SYNE2: variants seen among roughly 807,000 people sequenced by gnomAD.
SYNE2 encodes the protein nesprin-2.
Under a neutral mutation model 856.3 loss-of-function variants are expected in SYNE2, and 431 were observed. That is an observed-to-expected ratio of 0.50 (90% CI 0.47 to 0.55). The LOEUF (loss-of-function observed/expected upper bound fraction) is 0.55. Among genes scored for constraint, SYNE2 ranks in the 20% least tolerant of loss-of-function variants. SYNE2 has a pLI of 0.00. For synonymous variants in SYNE2, 2,923 were observed against 2,872.3 expected (o/e 1.02, Z -0.56); for missense variants, 8,129 against 8,023.2 (o/e 1.01, Z -0.50).
chr14:64,118,389 C>T (rs1463155928), intron 66 of SYNE2, among the ~76,000 whole-genome samples: 7 of 152,068 alleles, frequency 4.6e-5, no homozygotes, highest in South Asian at 2.1e-4. Flanking sequence ...GTGAATTGGC[C>T]GGTTGTATCA....
At position 64,126,585 on chromosome 14, in the gene SYNE2, C is replaced by A; in HGVS notation, c.13708-13C>A. Reference sequence around the variant, plus strand: ...CAGAGCTCATTCATTGTCTTCCTTCCTCTCCACTCCAGACGCTGGCTCTTG... The same window carrying A: ...CAGAGCTCATTCATTGTCTTCCTTCATCTCCACTCCAGACGCTGGCTCTTG... On this transcript the variant is annotated splice_polypyrimidine_tract_variant and intron_variant, in intron 72 of 115. Coordinates refer to ENST00000555002, the MANE Select transcript of SYNE2 (RefSeq NM_182914.3). 6.2e-7 allele frequency: 1 copy of A among 1,614,222 alleles called. No individual in the cohort carries two copies. The highest frequency in any genetic ancestry group is 8.5e-7 in the Non-Finnish European group (1 of 1,180,040).
At chr14:63,771,696 C>T (rs940396289) in intron 1 of SYNE2, among the ~76,000 whole-genome samples, 3 of 151,704 alleles carry the variant, frequency 2.0e-5, no homozygotes, top group Middle Eastern at 3.2e-3. Flanking sequence ...GTCAGGAGTT[C>T]GAGACCAGCT....
intron 89 of SYNE2, 91 bp downstream of exon 89, chr14:64,163,672 G>A (rs1026119638): frequency 3.4e-6 from 5 of 1,476,002 alleles, no homozygotes; most frequent in East Asian, 2.3e-5. Flanking sequence ...AGTGCTTTAC[G>A]GGCTGCTCCT....
At chr14:63,865,779 A>C (rs1895134825) in intron 1 of SYNE2, among the ~76,000 whole-genome samples, 1 of 150,096 alleles carries the variant, frequency 6.7e-6, no homozygotes, top group Non-Finnish European at 1.5e-5. Context: ...AAAGAACACC[A>C]GGCTGGGCAA....
intron 55 of SYNE2, among the ~76,000 whole-genome samples, chr14:64,079,695 C>T (rs116707664): frequency 4.5e-3 from 680 of 152,232 alleles, no homozygotes; most frequent in Middle Eastern, 0.017. Flanking sequence ...CCCAAGTCAG[C>T]AGATAATTTT....
intron 2 of SYNE2, among the ~76,000 whole-genome samples, chr14:63,936,829 T>C (rs2095839559): frequency 6.6e-6 from 1 of 152,166 alleles, no homozygotes; most frequent in African/African-American, 2.4e-5. Flanking sequence ...TCTGTCGCAG[T>C]AACCCAGGTG....
intron 1 of SYNE2, among the ~76,000 whole-genome samples, chr14:63,823,746 C>T (rs951583891): frequency 2.0e-5 from 3 of 152,008 alleles, no homozygotes; most frequent in Non-Finnish European, 2.9e-5. Flanking sequence ...AGCAATCGTC[C>T]CACCTCAGCC....
intron 10 of SYNE2, among the ~76,000 whole-genome samples, chr14:63,965,509 A>T (rs1296640538): frequency 6.6e-6 from 1 of 152,100 alleles, no homozygotes; most frequent in Admixed American, 6.5e-5. Flanking sequence ...CTTGAAAGAG[A>T]CTTAATAGGA....
chr14:63,963,833 A>C, intron 9 of SYNE2, 66 bp from the exon 10 acceptor site: 2 of 1,075,122 alleles, frequency 1.9e-6, no homozygotes, highest in Non-Finnish European at 2.8e-6. Context: ...TCAAGTTGCT[A>C]ATTTTTTTGT....
At chr14:64,065,360 T>TA (rs1294255881) in intron 50 of SYNE2, 72 bp from the exon 51 acceptor site, 1 of 1,297,692 alleles carries the variant, frequency 7.7e-7, no homozygotes, top group Non-Finnish European at 1.1e-6. Context: ...GTTCAGGATT[T>TA]AAAAGAGTTA....
intron 99 of SYNE2, among the ~76,000 whole-genome samples, chr14:64,200,508 A>T (rs1371236610): frequency 6.6e-6 from 1 of 152,190 alleles, no homozygotes; most frequent in Non-Finnish European, 1.5e-5. Context: ...AACCAGGGCA[A>T]TCAAGGTGGC....
In SYNE2 at chr14:64,142,174, A is replaced by T; in HGVS notation, c.15306+86A>T. Reference sequence around the variant, plus strand: ...AATGCTGGACAAAGGGACACATAGGATATAATTTCAAAAAACTAATTCTAG... The same window carrying T: ...AATGCTGGACAAAGGGACACATAGGTTATAATTTCAAAAAACTAATTCTAG... On this transcript the variant is annotated intron_variant, in intron 82 of 115. Coordinates refer to ENST00000555002, the MANE Select transcript of SYNE2 (RefSeq NM_182914.3). The T allele has an allele frequency of 3.3e-6, 5 of 1,509,752 alleles. No homozygotes were observed. The South Asian group carries it at 3.5e-5, about 11-fold the overall frequency. 93.5% of individuals were successfully genotyped at this position (1,509,752 alleles called of 1,614,324 possible).
At chr14:64,117,713 G>A (rs2097862736) in intron 66 of SYNE2, among the ~76,000 whole-genome samples, 1 of 152,148 alleles carries the variant, frequency 6.6e-6, no homozygotes, top group Admixed American at 6.5e-5. Context: ...ATGAGGTTGG[G>A]TGTGGAATTT....
At chr14:64,076,666 TTTTG>T (rs2097462312) in intron 54 of SYNE2, among the ~76,000 whole-genome samples, 1 of 151,406 alleles carries the variant, frequency 6.6e-6, no homozygotes, top group Non-Finnish European at 1.5e-5. Context: ...TAGCAAGATA[TTTTG>T]ATTAGATTGT....
chr14:64,160,255 G>T (rs2098318262), intron 87 of SYNE2, among the ~76,000 whole-genome samples: 1 of 152,190 alleles, frequency 6.6e-6, no homozygotes, highest in Non-Finnish European at 1.5e-5. Context: ...AAAACGTATG[G>T]CAGGGCAGTC....
At position 63,819,424 on chromosome 14, in the gene SYNE2, G is replaced by T. The variant is rs901139389; in HGVS notation, c.-304-33077G>T. Among the ~76,000 whole-genome samples the T allele has an allele frequency of 2.0e-5, 3 of 151,788 alleles. No individual in the cohort carries two copies. The East Asian group carries it at 5.8e-4, about 29-fold the overall frequency. On this transcript the variant is annotated intron_variant, in intron 1 of 23. Transcript: ENST00000674003. ...TTTTTGTATTTTTAGTAGAGATGGGGTTTCACCATGTTGGCTGGGCTGGTC... is the reference window on the plus strand; with the variant it reads ...TTTTTGTATTTTTAGTAGAGATGGGTTTTCACCATGTTGGCTGGGCTGGTC...
At chr14:64,143,676 A>G (rs2098158746) in intron 82 of SYNE2, 96 bp from the exon 83 acceptor site, 2 of 1,320,694 alleles carry the variant, frequency 1.5e-6, no homozygotes, top group South Asian at 1.2e-5. Context: ...TGATTAATGG[A>G]CGGGAGCTTG....
At position 63,838,241 on chromosome 14, in the gene SYNE2, C is replaced by A. The variant is rs139028119; in HGVS notation, c.-304-14260C>A. Among the ~76,000 whole-genome samples, 3 of 151,994 alleles carry A rather than the reference C, an allele frequency of 2.0e-5. No individual in the cohort carries two copies. The East Asian group carries it at 5.8e-4, about 30-fold the overall frequency. On this transcript the variant is annotated intron_variant, in intron 1 of 23. Transcript: ENST00000674003. ...AAAATTAGCTGGGCATGGTGGCATG[C>A]TCCTGTAGTCCCAGCTACTCTGGGA...
chr14:63,802,643 G>A (rs1473352982), intron 1 of SYNE2, among the ~76,000 whole-genome samples: 2 of 152,210 alleles, frequency 1.3e-5, no homozygotes, highest in Non-Finnish European at 1.5e-5. Flanking sequence ...TGGTCTCACT[G>A]ACTTCAAGAA....
Sources: allele counts gnomAD v4.1 joint callset (sites outside exome capture counted in the v4.1 genomes callset), GRCh38; gene constraint gnomAD v4.1.1; transcripts MANE v1.5; gene names NCBI Gene and HGNC (gene_info 2026-07-23, HGNC 2026-07-21).